The following GRIP1 variants were observed in gnomAD, a reference collection of about 807,000 sequenced individuals.
The protein encoded by GRIP1 is glutamate receptor-interacting protein 1.
GRIP1 carries 45 observed loss-of-function variants against 129.9 expected under a neutral mutation model. The observed-to-expected ratio is 0.35, with a 90% CI of 0.27 to 0.44. The LOEUF (loss-of-function observed/expected upper bound fraction) is 0.44. Ranked by LOEUF, GRIP1 falls within the 20% of genes least tolerant of loss-of-function variation. The pLI, the probability that GRIP1 is intolerant of heterozygous loss-of-function variation, is 1.00. For synonymous variants in GRIP1, 530 were observed against 520.8 expected (o/e 1.02, Z -0.24); for missense variants, 1,196 against 1,396.8 (o/e 0.86, Z 2.29).
At chr12:66,773,143 C>T (rs113677084) in intron 1 of GRIP1, among the ~76,000 whole-genome samples, 12 of 152,158 alleles carry the variant, frequency 7.9e-5, no homozygotes, top group South Asian at 2.1e-4. Context: ...TACTGAGGTC[C>T]GCATTTACCT....
At chr12:66,880,455 G>C (rs759910194) in intron 1 of GRIP1, among the ~76,000 whole-genome samples, 1 of 152,104 alleles carries the variant, frequency 6.6e-6, no homozygotes, top group Non-Finnish European at 1.5e-5. Flanking sequence ...CACTCACATT[G>C]GTCAATATCA....
At chr12:66,805,107 C>T (rs1276991776), upstream of GRIP1, among the ~76,000 whole-genome samples, 1 of 151,704 alleles carries the variant, frequency 6.6e-6, no homozygotes, top group Non-Finnish European at 1.5e-5. Context: ...AATAATCCAA[C>T]TCAACTTAGA....
chr12:66,623,487 A>G (rs928834712), intron 1 of GRIP1, among the ~76,000 whole-genome samples: 10 of 152,160 alleles, frequency 6.6e-5, no homozygotes, highest in African/African-American at 2.2e-4. Context: ...TAAATGGGAA[A>G]CAATATATAC....
At chr12:66,399,987 A>C (rs2056927087) in intron 16 of GRIP1, among the ~76,000 whole-genome samples, 1 of 151,992 alleles carries the variant, frequency 6.6e-6, no homozygotes, top group Admixed American at 6.5e-5. Flanking sequence ...GAGATGTCCA[A>C]GCAAGTGTTG....
chr12:66,559,076 C>T (rs2062428943), intron 2 of GRIP1, among the ~76,000 whole-genome samples: 1 of 151,610 alleles, frequency 6.6e-6, no homozygotes, highest in Non-Finnish European at 1.5e-5. Flanking sequence ...GGACAAAAAC[C>T]ACATGATCAT....
At chr12:66,984,267 T>TAAAG (rs1396308986) in intron 1 of GRIP1, among the ~76,000 whole-genome samples, 3 of 152,186 alleles carry the variant, frequency 2.0e-5, no homozygotes. Context: ...CCCCACTGAT[T>TAAAG]AAAGACTCTC....
intron 1 of GRIP1, among the ~76,000 whole-genome samples, chr12:66,755,422 G>T (rs921161567): frequency 6.6e-6 from 1 of 152,052 alleles, no homozygotes; most frequent in African/African-American, 2.4e-5. Context: ...CTAATATGAG[G>T]CACCCTAATA....
intron 1 of GRIP1, among the ~76,000 whole-genome samples, chr12:67,060,508 T>C (rs1283659213): frequency 1.3e-5 from 2 of 152,168 alleles, no homozygotes; most frequent in Non-Finnish European, 2.9e-5. Flanking sequence ...TTAGTACATA[T>C]TTAAGTAGTA....
At chr12:66,938,132 C>T (rs1264624899) in intron 1 of GRIP1, among the ~76,000 whole-genome samples, 1 of 152,160 alleles carries the variant, frequency 6.6e-6, no homozygotes, top group Non-Finnish European at 1.5e-5. Flanking sequence ...AATCCCAGCA[C>T]TTTGGGAGGC....
chr12:66,434,221 T>A (rs1335993064), intron 13 of GRIP1, among the ~76,000 whole-genome samples: 1 of 152,120 alleles, frequency 6.6e-6, no homozygotes, highest in East Asian at 1.9e-4. Flanking sequence ...TAAAAAAGGA[T>A]CCCCAGACTG....
intron 7 of GRIP1, among the ~76,000 whole-genome samples, chr12:66,481,531 T>G (rs150122098): frequency 1.3e-5 from 2 of 152,122 alleles, no homozygotes; most frequent in Non-Finnish European, 2.9e-5. Flanking sequence ...ATTGTGGAAG[T>G]CAGTGTGGCA....
intron 7 of GRIP1, among the ~76,000 whole-genome samples, chr12:66,472,501 C>T (rs931200225): frequency 6.6e-6 from 1 of 152,148 alleles, no homozygotes; most frequent in Non-Finnish European, 1.5e-5. Flanking sequence ...GGTCAAAATG[C>T]TTACAAAAAT....
intron 1 of GRIP1, among the ~76,000 whole-genome samples, chr12:66,719,140 A>G (rs2035982796): frequency 6.6e-6 from 1 of 152,186 alleles, no homozygotes; most frequent in Admixed American, 6.5e-5. Flanking sequence ...AATACGAAAC[A>G]AAACATTTTG....
At chr12:66,370,693 A>T (rs1476352793) in intron 23 of GRIP1, among the ~76,000 whole-genome samples, 2 of 152,200 alleles carry the variant, frequency 1.3e-5, no homozygotes, top group African/African-American at 4.8e-5. Context: ...TTAACAAAAA[A>T]TAAAGCACTC....
chr12:66,783,950 C>A (rs2038237248), intron 1 of GRIP1, among the ~76,000 whole-genome samples: 1 of 152,114 alleles, frequency 6.6e-6, no homozygotes, highest in Non-Finnish European at 1.5e-5. Context: ...TTGCAAAATG[C>A]ATTTCCTTTC....
chr12:66,965,654 C>T (rs1221140891), intron 1 of GRIP1, among the ~76,000 whole-genome samples: 1 of 151,140 alleles, frequency 6.6e-6, no homozygotes, highest in Non-Finnish European at 1.5e-5. Flanking sequence ...TGAGAATCCA[C>T]ACAAGCCACT....
chr12:66,382,006 G>C (rs960591281), intron 19 of GRIP1, among the ~76,000 whole-genome samples: 2 of 152,180 alleles, frequency 1.3e-5, no homozygotes, highest in African/African-American at 4.8e-5. Flanking sequence ...CAGGCAGATC[G>C]CTTGAGCTTA....
intron 1 of GRIP1, among the ~76,000 whole-genome samples, chr12:66,930,814 T>C (rs1167246768): frequency 6.6e-6 from 1 of 152,172 alleles, no homozygotes. Flanking sequence ...ACTCATGTGT[T>C]GACCAAACAA....
intron 1 of GRIP1, among the ~76,000 whole-genome samples, chr12:66,721,837 C>T (rs1187227708): frequency 6.6e-6 from 1 of 152,220 alleles, no homozygotes; most frequent in Non-Finnish European, 1.5e-5. Context: ...GCACTTGCTG[C>T]TTCACCTTGT....
Sources: gnomAD v4.1 joint callset for allele counts (sites outside exome capture counted in the v4.1 genomes callset) on GRCh38, gnomAD v4.1.1 for gene constraint, MANE v1.5 for transcripts, NCBI Gene and HGNC (gene_info 2026-07-23, HGNC 2026-07-21) for gene names.